The following ARHGAP32 variants were observed in gnomAD, a reference collection of about 807,000 sequenced individuals.
The protein encoded by ARHGAP32 is Rho GTPase activating protein 32, also known as rho GTPase-activating protein 32.
A neutral mutation model predicts 186.5 loss-of-function variants in ARHGAP32; 51 were observed. The observed-to-expected ratio is 0.27, with a 90% CI of 0.22 to 0.35. The LOEUF is 0.35. ARHGAP32 is among the 10% of genes least tolerant of loss of function. The pLI is 1.00. For synonymous variants in ARHGAP32, 950 were observed against 964.3 expected (o/e 0.99, Z 0.27); for missense variants, 2,186 against 2,623.5 (o/e 0.83, Z 3.64).
chr11:129,091,615 G>T (rs1941579783), intron 6 of ARHGAP32, among the ~76,000 whole-genome samples: 1 of 152,022 alleles, frequency 6.6e-6, no homozygotes, highest in African/African-American at 2.4e-5. Flanking sequence ...AACTGACAGA[G>T]ATATAAAATT....
intron 18 of ARHGAP32, among the ~76,000 whole-genome samples, chr11:128,979,209 G>A (rs138039103): frequency 2.0e-5 from 3 of 152,200 alleles, no homozygotes; most frequent in South Asian, 2.1e-4. Flanking sequence ...AAAATAAGAC[G>A]TATCTGGGAA....
intron 5 of ARHGAP32, among the ~76,000 whole-genome samples, chr11:129,099,933 G>C (rs1448809951): frequency 1.3e-5 from 2 of 152,180 alleles, no homozygotes; most frequent in African/African-American, 2.4e-5. Flanking sequence ...TGGGGCTACT[G>C]TGCACTGCAC....
chr11:129,224,860 C>T (rs1381616443), intron 1 of ARHGAP32, among the ~76,000 whole-genome samples: 3 of 151,704 alleles, frequency 2.0e-5, no homozygotes, highest in African/African-American at 7.3e-5. Flanking sequence ...GCCTGTTATC[C>T]CAACACTCTA....
At chr11:129,041,078 G>T in intron 10 of ARHGAP32, 69 bp from the exon 11 acceptor site, 1 of 1,020,194 alleles carries the variant, frequency 9.8e-7, no homozygotes, top group Non-Finnish European at 1.5e-6. Context: ...ACTGCCAACT[G>T]AATTCCAGTA....
chr11:129,239,450 A>G (rs2135662653), intron 1 of ARHGAP32, among the ~76,000 whole-genome samples: 1 of 152,304 alleles, frequency 6.6e-6, no homozygotes, highest in South Asian at 2.1e-4. Flanking sequence ...TGACAGAGCC[A>G]GGAGCTGTCC....
chr11:129,266,252 C>A (rs1945399034), intron 1 of ARHGAP32, among the ~76,000 whole-genome samples: 1 of 152,110 alleles, frequency 6.6e-6, no homozygotes, highest in Non-Finnish European at 1.5e-5. Context: ...AGTGACTTAA[C>A]CTGGATCTAT....
intron 6 of ARHGAP32, among the ~76,000 whole-genome samples, chr11:129,071,686 A>G (rs1206244136): frequency 2.6e-5 from 4 of 152,154 alleles, no homozygotes; most frequent in Middle Eastern, 3.2e-3. Context: ...TAGAATTACC[A>G]TATGACTCAA....
chr11:129,211,635 T>A (rs1278087999), intron 1 of ARHGAP32, among the ~76,000 whole-genome samples: 2 of 152,162 alleles, frequency 1.3e-5, no homozygotes, highest in African/African-American at 2.4e-5. Flanking sequence ...CACCCACTTG[T>A]GTAACTTAAA....
chr11:129,101,785 G>C (rs1366333691), intron 5 of ARHGAP32, among the ~76,000 whole-genome samples: 3 of 152,176 alleles, frequency 2.0e-5, no homozygotes, highest in Non-Finnish European at 4.4e-5. Flanking sequence ...ACGTATTTCA[G>C]GATATCATCC....
At chr11:129,218,750 A>G (rs1035854587) in intron 1 of ARHGAP32, among the ~76,000 whole-genome samples, 7 of 152,106 alleles carry the variant, frequency 4.6e-5, no homozygotes, top group Admixed American at 6.6e-5. Context: ...AACAACAACA[A>G]CAAAACTATT....
In ARHGAP32 at chr11:129,107,988, A is replaced by G. The variant is rs184044260; in HGVS notation, c.445-14281T>C. Among the ~76,000 whole-genome samples the G allele has an allele frequency of 2.4e-3, 359 of 152,306 alleles. 1 individual carries two copies. Among genetic ancestry groups the G allele is most frequent in the African/African-American group, 7.7e-3 (322 of 41,560 alleles). ...TCTATGTAATCACTGTGGTAACCAT[A>G]AAGAGAACAGCCATATAAAATATAC... On this transcript the variant is annotated intron_variant, in intron 5 of 22. Transcript: ENST00000682385.
chr11:129,038,730 T>A (rs749322244), intron 11 of ARHGAP32, among the ~76,000 whole-genome samples: 1 of 150,942 alleles, frequency 6.6e-6, no homozygotes, highest in Admixed American at 6.6e-5. Context: ...CTACAAAAAA[T>A]TTAAAAATTA....
intron 10 of ARHGAP32, among the ~76,000 whole-genome samples, chr11:129,052,374 C>T (rs1940088289): frequency 6.6e-6 from 1 of 152,136 alleles, no homozygotes; most frequent in South Asian, 2.1e-4. Flanking sequence ...TTTGTTTTGG[C>T]TATTATATTC....
At chr11:129,262,540 T>C (rs9971410) in intron 1 of ARHGAP32, among the ~76,000 whole-genome samples, 46,994 of 151,860 alleles carry the variant, frequency 0.31, 7,607 homozygotes, top group Middle Eastern at 0.4. Context: ...TATGCCACCA[T>C]ACCTGGCTAA....
chr11:129,196,957 T>TGG (rs1469572885), upstream of ARHGAP32, among the ~76,000 whole-genome samples: 1 of 152,080 alleles, frequency 6.6e-6, no homozygotes, highest in African/African-American at 2.4e-5. Context: ...CTTGGTAGGC[T>TGG]GAGGCAGGAG....
chr11:129,165,744 G>T (rs1201818186), intron 1 of ARHGAP32, among the ~76,000 whole-genome samples: 1 of 150,454 alleles, frequency 6.6e-6, no homozygotes, highest in Non-Finnish European at 1.5e-5. Flanking sequence ...ATCACCCCTA[G>T]CCTAGTAATA....
intron 1 of ARHGAP32, among the ~76,000 whole-genome samples, chr11:129,277,526 C>T (rs1945547441): frequency 6.6e-6 from 1 of 152,210 alleles, no homozygotes; most frequent in East Asian, 1.9e-4. Context: ...ACCCTGTCAC[C>T]CACCTCAATG....
At chr11:128,972,267 G>C in intron 22 of ARHGAP32, 186 bp downstream of exon 22, 1 of 500,340 alleles carries the variant, frequency 2.0e-6, no homozygotes, top group Non-Finnish European at 3.3e-6. Flanking sequence ...CTCCTTTCCT[G>C]GGGAAAAGCC....
chr11:129,155,063 G>A (rs956734739), intron 2 of ARHGAP32, among the ~76,000 whole-genome samples: 16 of 151,848 alleles, frequency 1.1e-4, no homozygotes, highest in Admixed American at 3.3e-4. Flanking sequence ...TTCAAACATT[G>A]GTATACATAA....
Sources: gnomAD v4.1 joint callset for allele counts (sites outside exome capture counted in the v4.1 genomes callset) on GRCh38, gnomAD v4.1.1 for gene constraint, MANE v1.5 for transcripts, NCBI Gene and HGNC (gene_info 2026-07-23, HGNC 2026-07-21) for gene names.